The following PTPRD variants were observed in gnomAD, a reference collection of about 807,000 sequenced individuals.
PTPRD encodes protein tyrosine phosphatase receptor type D, also known as receptor-type tyrosine-protein phosphatase delta.
Under a neutral mutation model 214.5 loss-of-function variants are expected in PTPRD, and 34 were observed. The observed-to-expected ratio is 0.16, with a 90% confidence interval of 0.12 to 0.21. The LOEUF (loss-of-function observed/expected upper bound fraction) is 0.21, where lower values mean the gene tolerates loss of function less well. Ranked by LOEUF, PTPRD falls within the 10% of genes least tolerant of loss-of-function variation. The pLI, the probability that PTPRD is intolerant of heterozygous loss-of-function variation, is 1.00. For missense variants in PTPRD, 2,545 were observed against 2,398.7 expected (o/e 1.06, Z -1.27); for synonymous variants, 1,128 against 845.7 (o/e 1.33, Z -5.79).
chr9:9,073,700 G>C (rs764684354), intron 10 of PTPRD, among the ~76,000 whole-genome samples: 5 of 152,058 alleles, frequency 3.3e-5, no homozygotes, highest in Non-Finnish European at 5.9e-5. Flanking sequence ...TTTTGGACTT[G>C]TCAGCTCCCA....
intron 14 of PTPRD, among the ~76,000 whole-genome samples, chr9:8,569,248 G>T (rs1412228040): frequency 6.6e-6 from 1 of 152,112 alleles, no homozygotes; most frequent in African/African-American, 2.4e-5. Flanking sequence ...AAAAGGTTAT[G>T]CTAGTGGTTA....
At chr9:8,953,419 C>A (rs2099114037) in intron 11 of PTPRD, among the ~76,000 whole-genome samples, 1 of 151,860 alleles carries the variant, frequency 6.6e-6, no homozygotes. Context: ...GAAATAAATA[C>A]CCTTCTTGAT....
chr9:9,273,575 A>G (rs1943793015), intron 9 of PTPRD, among the ~76,000 whole-genome samples: 1 of 151,326 alleles, frequency 6.6e-6, no homozygotes, highest in Non-Finnish European at 1.5e-5. Flanking sequence ...CTGTGAAAAC[A>G]TTTTAATGTT....
chr9:8,350,914 T>C (rs1488724643), intron 39 of PTPRD, among the ~76,000 whole-genome samples: 1 of 152,192 alleles, frequency 6.6e-6, no homozygotes, highest in East Asian at 1.9e-4. Context: ...TTTTGCAATC[T>C]TCATTAAAAT....
At chr9:10,156,572 G>T (rs2099094723) in intron 3 of PTPRD, among the ~76,000 whole-genome samples, 1 of 152,194 alleles carries the variant, frequency 6.6e-6, no homozygotes, top group African/African-American at 2.4e-5. Flanking sequence ...GTCTATTTTA[G>T]AGTATATGCC....
chr9:8,710,349 G>T (rs2098305241), intron 12 of PTPRD, among the ~76,000 whole-genome samples: 1 of 152,110 alleles, frequency 6.6e-6, no homozygotes, highest in South Asian at 2.1e-4. Context: ...ATGCAGGGTG[G>T]CTTATGCCTG....
chr9:8,319,392 G>C (rs1279749000), intron 45 of PTPRD, among the ~76,000 whole-genome samples: 3 of 151,932 alleles, frequency 2.0e-5, no homozygotes, highest in Admixed American at 1.3e-4. Context: ...TGTTTTGAAT[G>C]GCCATTGTTA....
At chr9:9,819,628 C>T (rs952984431) in intron 5 of PTPRD, among the ~76,000 whole-genome samples, 28 of 152,026 alleles carry the variant, frequency 1.8e-4, no homozygotes, top group Non-Finnish European at 4.0e-4. Flanking sequence ...TGAGCATAGT[C>T]CCCAACGGTT....
intron 9 of PTPRD, among the ~76,000 whole-genome samples, chr9:9,360,255 G>GAAA (rs5896322): frequency 6.9e-6 from 1 of 144,138 alleles, no homozygotes; most frequent in African/African-American, 2.5e-5. Flanking sequence ...TAATAGATGG[G>GAAA]AAAAAAAAAA....
At chr9:9,204,764 T>C (rs1212455940) in intron 9 of PTPRD, among the ~76,000 whole-genome samples, 3 of 152,164 alleles carry the variant, frequency 2.0e-5, no homozygotes, top group Admixed American at 2.0e-4. Flanking sequence ...TTGACACAGA[T>C]TTACTTGAAA....
chr9:10,053,006 T>A (rs1286816860), intron 3 of PTPRD, among the ~76,000 whole-genome samples: 1 of 152,180 alleles, frequency 6.6e-6, no homozygotes, highest in African/African-American at 2.4e-5. Flanking sequence ...GGCATTCTAA[T>A]GTAAGATGTG....
intron 9 of PTPRD, among the ~76,000 whole-genome samples, chr9:9,373,190 T>C (rs2059975405): frequency 6.6e-6 from 1 of 152,102 alleles, no homozygotes; most frequent in African/African-American, 2.4e-5. Flanking sequence ...CTGGACTTTC[T>C]CAGTTCAAAT....
At chr9:9,914,578 G>A (rs1429181101) in intron 5 of PTPRD, among the ~76,000 whole-genome samples, 1 of 152,188 alleles carries the variant, frequency 6.6e-6, no homozygotes, top group Admixed American at 6.5e-5. Context: ...CAGGCTGGCT[G>A]AACAGCTGAG....
intron 8 of PTPRD, among the ~76,000 whole-genome samples, chr9:9,537,684 A>G (rs1025954497): frequency 6.6e-6 from 1 of 151,966 alleles, no homozygotes; most frequent in African/African-American, 2.4e-5. Flanking sequence ...ATCACCTAAT[A>G]GCTTTATGAA....
At chr9:9,656,908 C>T (rs1168663669) in intron 7 of PTPRD, among the ~76,000 whole-genome samples, 3 of 151,974 alleles carry the variant, frequency 2.0e-5, no homozygotes, top group Non-Finnish European at 2.9e-5. Context: ...GTAATTTCCT[C>T]TTGATTTCTC....
At chr9:9,837,282 A>T (rs1158398868) in intron 5 of PTPRD, among the ~76,000 whole-genome samples, 1 of 152,158 alleles carries the variant, frequency 6.6e-6, no homozygotes, top group Non-Finnish European at 1.5e-5. Context: ...TGATGAAAAT[A>T]TGGGACTATT....
chr9:8,566,094 C>A (rs2088959132), intron 14 of PTPRD, among the ~76,000 whole-genome samples: 1 of 67,368 alleles, frequency 1.5e-5, no homozygotes, highest in Non-Finnish European at 3.3e-5. Flanking sequence ...ATACTGAATG[C>A]AAAATATGTG....
chr9:10,185,770 T>A (rs559094801), intron 3 of PTPRD, among the ~76,000 whole-genome samples: 2 of 152,272 alleles, frequency 1.3e-5, no homozygotes, highest in Non-Finnish European at 2.9e-5. Flanking sequence ...TTGTTACTTG[T>A]GGAATCTACA....
rs77962535 is a variant in PTPRD, at chr9:10,202,671, GATATATATATATATAT to G, written c.-545+138276_-545+138291del. Among the ~76,000 whole-genome samples, 362 of 113,114 alleles carry G rather than the reference GATATATATATATATAT, an allele frequency of 3.2e-3. 4 individuals carry two copies. Among genetic ancestry groups the G allele is most frequent in the South Asian group, 0.031 (102 of 3,328 alleles). 74.2% of individuals were successfully genotyped at this position (113,114 alleles called of 152,430 possible). A position where few individuals can be genotyped will look rare whatever the true frequency, so the allele number is the denominator to read the frequency against. The stretch of plus-strand genomic sequence containing the variant: ...GATGCCTACTTATAAAAATTATATG[GATATATATATATATAT>G]ATATATATATATGCACCAGTGAATA... On this transcript the variant is annotated intron_variant, in intron 3 of 45. Coordinates refer to ENST00000381196, the MANE Select transcript of PTPRD (RefSeq NM_002839.4).
Sources: gnomAD v4.1 joint callset for allele counts (sites outside exome capture counted in the v4.1 genomes callset) on GRCh38, gnomAD v4.1.1 for gene constraint, MANE v1.5 for transcripts, NCBI Gene and HGNC (gene_info 2026-07-23, HGNC 2026-07-21) for gene names.